Variants in PLCB4 observed in about 807,000 individuals in gnomAD.
PLCB4 encodes phospholipase C beta 4.
In PLCB4, 77 loss-of-function variants were observed where a neutral mutation model predicts 178.8. That is an observed-to-expected ratio of 0.43 (90% CI 0.36 to 0.52). The LOEUF is 0.52. Among genes scored for constraint, PLCB4 ranks in the 20% least tolerant of loss-of-function variants. The pLI is 0.00. For synonymous variants in PLCB4, 496 were observed against 490.8 expected, an observed-to-expected ratio of 1.01 and a Z score of -0.14; for missense variants, 1,024 against 1,453.4, an observed-to-expected ratio of 0.70 and a Z score of 4.80.
At chr20:9,325,272 T>C (rs2030294890) in intron 4 of PLCB4, among the ~76,000 whole-genome samples, 1 of 152,236 alleles carries the variant, frequency 6.6e-6, no homozygotes, top group Non-Finnish European at 1.5e-5. Context: ...GAATCCTGTT[T>C]ACTTGCCTCC....
chr20:9,396,134 C>G (rs150359993), intron 19 of PLCB4, among the ~76,000 whole-genome samples: 1 of 152,208 alleles, frequency 6.6e-6, no homozygotes, highest in Non-Finnish European at 1.5e-5. Context: ...CTTGTCATCT[C>G]CCTTCCTATT....
At chr20:9,255,422 A>G (rs944696355) in intron 3 of PLCB4, among the ~76,000 whole-genome samples, 3 of 151,854 alleles carry the variant, frequency 2.0e-5, no homozygotes, top group Non-Finnish European at 2.9e-5. Context: ...TGAACATTCC[A>G]TGGTGGATTA....
intron 36 of PLCB4, among the ~76,000 whole-genome samples, chr20:9,471,460 A>G (rs1281980911): frequency 1.3e-5 from 2 of 152,224 alleles, no homozygotes; most frequent in Non-Finnish European, 2.9e-5. Flanking sequence ...AATTAACTAC[A>G]GAGAAAAACG....
chr20:9,290,783 G>A (rs73093878), intron 3 of PLCB4, among the ~76,000 whole-genome samples: 76 of 152,140 alleles, frequency 5.0e-4, no homozygotes, highest in Non-Finnish European at 3.1e-4. Flanking sequence ...GATATATATG[G>A]TTATTAAATA....
chr20:9,081,536 C>T (rs1416306977), intron 1 of PLCB4, among the ~76,000 whole-genome samples: 1 of 152,168 alleles, frequency 6.6e-6, no homozygotes, highest in Admixed American at 6.5e-5. Context: ...CAGTTGTCAT[C>T]TTCCTGTAAA....
Position 9,112,825 on chromosome 20 carries a change from A to T in PLCB4, c.-79+16483A>T, listed in dbSNP as rs189427623. On this transcript the variant is annotated intron_variant, in intron 2 of 39. Transcript: ENST00000378473. ...TATAGAGAGTATGCAGATTTCCCCA[A>T]GGAAAACTGATTTTGCATGCAAAAG... Among the ~76,000 whole-genome samples, 178 of 152,230 alleles carry T rather than the reference A, an allele frequency of 1.2e-3. 1 individual carries two copies. Among genetic ancestry groups the T allele is most frequent in the Non-Finnish European group, 1.8e-3 (124 of 68,006 alleles).
At chr20:9,426,455 T>C (rs1182399403) in intron 28 of PLCB4, among the ~76,000 whole-genome samples, 1 of 152,124 alleles carries the variant, frequency 6.6e-6, no homozygotes, top group Non-Finnish European at 1.5e-5. Context: ...CTCGGCTCAC[T>C]GCAACCTCCA....
chr20:9,331,712 T>C (rs1321260864), intron 4 of PLCB4, among the ~76,000 whole-genome samples: 3 of 152,142 alleles, frequency 2.0e-5, no homozygotes, highest in Non-Finnish European at 1.5e-5. Context: ...GGTTGTGATA[T>C]TGATTAATGT....
chr20:9,320,032 G>C (rs1261513578), intron 4 of PLCB4, among the ~76,000 whole-genome samples: 1 of 152,136 alleles, frequency 6.6e-6, no homozygotes, highest in East Asian at 1.9e-4. Flanking sequence ...TCTCGCCCAA[G>C]AAAGAATTAG....
intron 4 of PLCB4, among the ~76,000 whole-genome samples, chr20:9,335,137 T>C (rs2032269886): frequency 6.6e-6 from 1 of 152,152 alleles, no homozygotes; most frequent in African/African-American, 2.4e-5. Flanking sequence ...CCAAAATTCT[T>C]CATTGCCGTC....
chr20:9,074,782 C>T (rs2089752047), intron 1 of PLCB4, among the ~76,000 whole-genome samples: 1 of 141,544 alleles, frequency 7.1e-6, no homozygotes, highest in African/African-American at 2.7e-5. Flanking sequence ...TATCTGTCTC[C>T]CAGCTAGGCT....
intron 2 of PLCB4, among the ~76,000 whole-genome samples, chr20:9,192,918 C>T (rs1229450907): frequency 6.6e-6 from 1 of 152,142 alleles, no homozygotes; most frequent in African/African-American, 2.4e-5. Flanking sequence ...CAGTTTTGCC[C>T]AAAAGGGGCC....
chr20:9,196,465 A>G (rs6039410), intron 2 of PLCB4, among the ~76,000 whole-genome samples: 73,282 of 152,046 alleles, frequency 0.48, 18,412 homozygotes, highest in African/African-American at 0.63. Context: ...TGCAAGCTCG[A>G]TAGTGACAGA....
chr20:9,185,812 C>G (rs548100785), intron 2 of PLCB4, among the ~76,000 whole-genome samples: 34 of 152,312 alleles, frequency 2.2e-4, no homozygotes, highest in African/African-American at 7.9e-4. Context: ...TGCTTCCTCT[C>G]CCAGTAATGC....
At chr20:9,362,825 A>G (rs2035461889) in intron 7 of PLCB4, 71 bp from the exon 8 acceptor site, 4 of 864,568 alleles carry the variant, frequency 4.6e-6, no homozygotes, top group Non-Finnish European at 7.8e-6. Flanking sequence ...GATACAATCT[A>G]TCTAATAAAA....
chr20:9,327,766 A>G (rs1285149985), intron 4 of PLCB4, among the ~76,000 whole-genome samples: 1 of 151,962 alleles, frequency 6.6e-6, no homozygotes, highest in African/African-American at 2.4e-5. Context: ...ACAGAGCGAG[A>G]CTCCATCTCG....
At chr20:9,184,742 A>G (rs2093304685) in intron 2 of PLCB4, among the ~76,000 whole-genome samples, 4 of 151,746 alleles carry the variant, frequency 2.6e-5, no homozygotes, top group South Asian at 2.1e-4. Flanking sequence ...TATGTGTTGT[A>G]TACATATAAC....
intron 2 of PLCB4, among the ~76,000 whole-genome samples, chr20:9,142,612 G>T (rs1035967774): frequency 1.3e-5 from 2 of 152,052 alleles, no homozygotes; most frequent in African/African-American, 4.8e-5. Flanking sequence ...AAATTATGTT[G>T]TTCTACATTC....
At chr20:9,376,601 G>T (rs1300644711) in intron 12 of PLCB4, among the ~76,000 whole-genome samples, 2 of 152,142 alleles carry the variant, frequency 1.3e-5, no homozygotes, top group Non-Finnish European at 2.9e-5. Flanking sequence ...ACTACTACTG[G>T]CTCAATTGCT....
Sources: gnomAD v4.1 joint callset for allele counts (sites outside exome capture counted in the v4.1 genomes callset) on GRCh38, gnomAD v4.1.1 for gene constraint, MANE v1.5 for transcripts, NCBI Gene and HGNC (gene_info 2026-07-23, HGNC 2026-07-21) for gene names.